The following EYS variants were observed in gnomAD, a reference collection of about 807,000 sequenced individuals.
EYS encodes the protein EGF-like photoreceptor maintenance factor, also known as protein eyes shut homolog.
Under a neutral mutation model 282.1 loss-of-function variants are expected in EYS, and 250 were observed. The observed-to-expected ratio is 0.89, with a 90% CI of 0.80 to 0.98. The LOEUF (loss-of-function observed/expected upper bound fraction) is 0.98, where lower values mean the gene tolerates loss of function less well. Ranked by LOEUF, EYS falls within the 50% of genes least tolerant of loss-of-function variation. The probability of loss-of-function intolerance (pLI) is 0.00; values close to 1 mark genes in which losing one functional copy is unlikely to be tolerated. For synonymous variants in EYS, 1,355 were observed against 1,282.9 expected, an observed-to-expected ratio of 1.06 and a Z score of -1.20; for missense variants, 4,016 against 3,709.0, an observed-to-expected ratio of 1.08 and a Z score of -2.15.
intron 1 of EYS, among the ~76,000 whole-genome samples, chr6:65,651,869 A>T (rs970694811): frequency 2.0e-5 from 3 of 152,080 alleles, no homozygotes; most frequent in Admixed American, 6.6e-5. Context: ...AAATAAACTA[A>T]CCATTGTTAT....
chr6:63,791,512 ATC>A (rs541992921), intron 37 of EYS, among the ~76,000 whole-genome samples: 143 of 151,416 alleles, frequency 9.4e-4, no homozygotes, highest in African/African-American at 3.2e-3. Context: ...TGGGAGGCAG[ATC>A]TTGCAGTGAG....
intron 12 of EYS, among the ~76,000 whole-genome samples, chr6:65,209,372 G>A (rs1271268162): frequency 6.6e-6 from 1 of 151,290 alleles, no homozygotes; most frequent in Non-Finnish European, 1.5e-5. Context: ...AAAAATATGT[G>A]AGAATGAAAC....
chr6:64,651,112 T>G (rs184258186), intron 22 of EYS, among the ~76,000 whole-genome samples: 40 of 152,128 alleles, frequency 2.6e-4, no homozygotes, highest in Non-Finnish European at 1.5e-5. Context: ...GCCAGTAACT[T>G]AAAAATTGGT....
intron 26 of EYS, among the ~76,000 whole-genome samples, chr6:64,538,050 A>T (rs1764582069): frequency 6.8e-6 from 1 of 147,546 alleles, no homozygotes; most frequent in South Asian, 2.1e-4. Flanking sequence ...CAAGCTACTA[A>T]GTGTATAGCT....
intron 30 of EYS, among the ~76,000 whole-genome samples, chr6:64,234,600 A>G (rs1174132422): frequency 1.3e-5 from 2 of 152,200 alleles, no homozygotes; most frequent in Non-Finnish European, 2.9e-5. Context: ...ATTATTTAAT[A>G]TTTTTAATAG....
chr6:63,887,557 G>A (rs529840360), intron 35 of EYS, among the ~76,000 whole-genome samples: 20 of 152,222 alleles, frequency 1.3e-4, no homozygotes, highest in Admixed American at 3.3e-4. Flanking sequence ...ACAAGGGGTC[G>A]GGGAACTCCA....
chr6:64,414,491 G>A (rs1381877866), intron 28 of EYS, among the ~76,000 whole-genome samples: 3 of 151,984 alleles, frequency 2.0e-5, no homozygotes, highest in African/African-American at 7.2e-5. Flanking sequence ...ATAAGTAAGA[G>A]AAAATAAGAC....
At chr6:64,963,561 T>C (rs933705568) in intron 14 of EYS, among the ~76,000 whole-genome samples, 3 of 152,192 alleles carry the variant, frequency 2.0e-5, no homozygotes, top group Admixed American at 1.3e-4. Context: ...AGAGACCTCA[T>C]TGATGCAATA....
rs772795066 is a variant in EYS, at chr6:65,519,278, G to A, written c.-332-23285C>T. On this transcript the variant is annotated intron_variant, in intron 2 of 42. Coordinates refer to ENST00000503581, the MANE Select transcript of EYS (RefSeq NM_001142800.2). ...TACATTCATTTCAATATACATTGTT[G>A]CCTCTGTGTGTGTTTGTGTGTGTGT... Among the ~76,000 whole-genome samples, 353 of 151,594 alleles carry A rather than the reference G, an allele frequency of 2.3e-3. 1 individual carries two copies. The highest frequency in any genetic ancestry group is 8.3e-3 in the African/African-American group (344 of 41,312).
intron 1 of EYS, among the ~76,000 whole-genome samples, chr6:65,667,909 G>A (rs867686430): frequency 4.6e-5 from 7 of 152,008 alleles, no homozygotes; most frequent in African/African-American, 1.7e-4. Context: ...GGAATAAAAA[G>A]TGTTGGAAAA....
chr6:63,745,218 A>T (rs936515920), intron 41 of EYS, among the ~76,000 whole-genome samples: 8 of 152,218 alleles, frequency 5.3e-5, no homozygotes, highest in Non-Finnish European at 1.2e-4. Context: ...ATGTAAAAGG[A>T]GGCTTTCCAC....
At position 64,580,002 on chromosome 6, in the gene EYS, A is replaced by G. The variant is rs566819337; in HGVS notation, c.5644+10221T>C. 1.1e-4 allele frequency among the ~76,000 whole-genome samples: 16 copies of G among 152,204 alleles called. No homozygotes were observed. In the East Asian group the frequency reaches 3.1e-3, roughly 29 times the overall value. On this transcript the variant is annotated intron_variant, in intron 26 of 42. Transcript: ENST00000503581. ...GAGCCACCCAACTTCTTCCTTAGGA[A>G]CCAGGCACATTATATTTATTTATTT...
At chr6:64,357,907 C>T (rs960898778) in intron 29 of EYS, among the ~76,000 whole-genome samples, 16 of 151,508 alleles carry the variant, frequency 1.1e-4, no homozygotes, top group Non-Finnish European at 1.9e-4. Flanking sequence ...GTAAACCTAG[C>T]CAAGGAAGAG....
At chr6:65,136,058 A>G (rs536997590) in intron 12 of EYS, among the ~76,000 whole-genome samples, 2 of 152,186 alleles carry the variant, frequency 1.3e-5, no homozygotes, top group African/African-American at 4.8e-5. Context: ...TCATTCATCA[A>G]TATCAGAATT....
chr6:64,003,388 C>T (rs186904071), intron 33 of EYS, among the ~76,000 whole-genome samples: 6 of 152,180 alleles, frequency 3.9e-5, no homozygotes, highest in Admixed American at 2.6e-4. Context: ...TTTGATAGCA[C>T]AATAGGGTGA....
intron 28 of EYS, among the ~76,000 whole-genome samples, chr6:64,398,239 C>T (rs763592413): frequency 5.9e-5 from 9 of 151,846 alleles, no homozygotes; most frequent in Non-Finnish European, 1.2e-4. Context: ...TAAACTTGAA[C>T]ACGTGTTAGG....
intron 26 of EYS, among the ~76,000 whole-genome samples, chr6:64,489,609 T>C (rs1196102954): frequency 6.7e-6 from 1 of 149,090 alleles, no homozygotes; most frequent in African/African-American, 2.4e-5. Context: ...TATAAAATAT[T>C]CAGTTTTAAT....
chr6:64,381,619 T>A (rs547999862), intron 29 of EYS, among the ~76,000 whole-genome samples: 1 of 152,342 alleles, frequency 6.6e-6, no homozygotes, highest in South Asian at 2.1e-4. Flanking sequence ...TTTTACTTTT[T>A]ATATTATAAA....
intron 22 of EYS, among the ~76,000 whole-genome samples, chr6:64,702,088 CACCTACATATGAATAAAGTAGCCACTA>C (rs940411094): frequency 1.3e-5 from 2 of 151,704 alleles, no homozygotes; most frequent in African/African-American, 4.8e-5. Context: ...GATTCAACTT[CACCTACATATGAATAAAGTAGCCACTA>C]TCTTTTAAGG....
Sources: gnomAD v4.1 joint callset for allele counts (sites outside exome capture counted in the v4.1 genomes callset) on GRCh38, gnomAD v4.1.1 for gene constraint, MANE v1.5 for transcripts, NCBI Gene and HGNC (gene_info 2026-07-23, HGNC 2026-07-21) for gene names.